GET3: variants seen among roughly 807,000 people sequenced by gnomAD.
GET3 encodes guided entry of tail-anchored proteins factor 3, ATPase, also known as ATPase GET3.
Under a neutral mutation model 32.4 loss-of-function variants are expected in GET3, and 15 were observed. The ratio of observed to expected loss-of-function variants is 0.46; its 90% CI spans 0.31 to 0.71. The LOEUF (loss-of-function observed/expected upper bound fraction) is 0.71, where lower values mean the gene tolerates loss of function less well. Ranked by LOEUF, GET3 falls within the 30% of genes least tolerant of loss-of-function variation. The pLI, the probability that GET3 is intolerant of heterozygous loss-of-function variation, is 0.05. For missense variants in GET3, 333 were observed against 459.0 expected, an observed-to-expected ratio of 0.73 and a Z score of 2.51; for synonymous variants, 198 against 185.6, an observed-to-expected ratio of 1.07 and a Z score of -0.54.
upstream of GET3, chr19:12,737,462 C>T (rs750895638): frequency 7.0e-7 from 1 of 1,437,642 alleles, no homozygotes; most frequent in African/African-American, 1.5e-5. Context: ...CCTGTAGGTT[C>T]TTCGTATGGT....
chr19:12,743,415 G>T (rs942490856), intron 2 of GET3, among the ~76,000 whole-genome samples: 29 of 151,900 alleles, frequency 1.9e-4, no homozygotes, highest in Admixed American at 1.1e-3. Flanking sequence ...GGCGGAGGTT[G>T]CAGTGAGCCA....
At position 12,747,450 on chromosome 19, in the gene GET3, C is replaced by CA. The variant is rs868236488; in HGVS notation, c.774dup (p.Glu259ArgfsTer13). On this transcript the variant is annotated frameshift_variant, in exon 6 of 7. Coordinates refer to ENST00000357332, the MANE Select transcript of GET3 (RefSeq NM_004317.4). LOFTEE classifies it high-confidence loss of function. The surrounding 1 kb of genome is among the most constrained non-coding windows in gnomAD (Gnocchi z 4.0). ...GCTGAGTTCCTGTCCCTGTATGAGA[C>CA]AGAGAGGCTGATCCAGGAGCTGGCC... 1 of 1,613,924 alleles carries CA rather than the reference C, an allele frequency of 6.2e-7. No individual in the cohort carries two copies. Among genetic ancestry groups the CA allele is most frequent in the African/African-American group, 1.3e-5 (1 of 74,854 alleles).
intron 4 of GET3, among the ~76,000 whole-genome samples, chr19:12,746,644 G>A (rs886333716): frequency 6.6e-6 from 1 of 152,184 alleles, no homozygotes; most frequent in African/African-American, 2.4e-5. Context: ...ACAGATCTGG[G>A]AGGTAAAGTT....
chr19:12,737,570 A>G lies in GET3; in HGVS notation c.65A>G (p.Glu22Gly). ...GAGTTCGAAGATGCTCCTGATGTGG[A>G]GCCGCTGGAGCCTACACTTAGCAAC... ...AEEFEDAPDV[E>G]PLEPTLSNII... The change falls in exon 1 of 7, where the codon GAG (glutamate) becomes GGG (glycine). Residue 22 changes from glutamate to glycine, a missense_variant. Glu to Gly is a moderately conservative substitution (Grantham distance 98, BLOSUM62 -2). This residue lies in a region of GET3 where 64 missense variants were observed against 36.7 expected (regional missense o/e 1.74). Transcript: ENST00000357332. The G allele has an allele frequency of 6.2e-7, 1 of 1,610,386 alleles. No homozygotes were observed. Among genetic ancestry groups the G allele is most frequent in the Non-Finnish European group, 8.5e-7 (1 of 1,178,730 alleles).
At chr19:12,739,123 G>A (rs188411148) in intron 2 of GET3, among the ~76,000 whole-genome samples, 4 of 152,184 alleles carry the variant, frequency 2.6e-5, no homozygotes, top group Non-Finnish European at 5.9e-5. Flanking sequence ...CAACATCCTG[G>A]ACTCTGGTGG....
At chr19:12,742,818 A>G (rs1259909371) in intron 2 of GET3, among the ~76,000 whole-genome samples, 1 of 152,054 alleles carries the variant, frequency 6.6e-6, no homozygotes, top group Non-Finnish European at 1.5e-5. Flanking sequence ...ATACACTGGG[A>G]TTACAAGTGT....
upstream of GET3, chr19:12,737,381 T>C: frequency 8.2e-7 from 1 of 1,221,322 alleles, no homozygotes; most frequent in Non-Finnish European, 1.1e-6. Flanking sequence ...TTTATATTTC[T>C]CCTAAAAGGC....
chr19:12,742,614 C>T (rs1370576536), intron 2 of GET3, among the ~76,000 whole-genome samples: 1 of 151,910 alleles, frequency 6.6e-6, no homozygotes, highest in Non-Finnish European at 1.5e-5. Context: ...CGGGGTTTCA[C>T]CATGTTAACC....
At chr19:12,744,187 G>C (rs1430705519) in intron 2 of GET3, among the ~76,000 whole-genome samples, 2 of 145,278 alleles carry the variant, frequency 1.4e-5, no homozygotes, top group East Asian at 4.1e-4. Flanking sequence ...CTGCACTCCA[G>C]CCTAGGCAAC....
intron 2 of GET3, among the ~76,000 whole-genome samples, chr19:12,741,273 G>T (rs1292629489): frequency 6.6e-6 from 1 of 151,318 alleles, no homozygotes; most frequent in Non-Finnish European, 1.5e-5. Flanking sequence ...TGGCTAACAG[G>T]GTGAAACCCC....
intron 1 of GET3, 67 bp from the exon 2 acceptor site, chr19:12,738,444 C>T: frequency 6.3e-7 from 1 of 1,592,728 alleles, no homozygotes; most frequent in South Asian, 1.1e-5. Flanking sequence ...CCTACCACTC[C>T]CCTTGCAGAC....
At position 12,739,338 on chromosome 19, in the gene GET3, TG is replaced by T. The variant is rs574866770; in HGVS notation, c.309+681del. 8.9e-3 allele frequency among the ~76,000 whole-genome samples: 1,360 copies of T among 152,228 alleles called. 8 individuals carry two copies. The highest frequency in any genetic ancestry group is 0.016 in the Non-Finnish European group (1,077 of 67,992). On this transcript the variant is annotated intron_variant, in intron 2 of 6. Transcript: ENST00000357332. ...TTGCGCCACCACTGCCTGTTAATTT[TG>T]TTTTTTTTAGGAGACAGGTTTTCAC...
In GET3 at chr19:12,737,628, C is replaced by T. The variant is rs1967597563; in HGVS notation, c.123C>T (p.Phe41=). 32 of 1,610,842 alleles carry T rather than the reference C, an allele frequency of 2.0e-5. No homozygotes were observed. Among genetic ancestry groups the T allele is most frequent in the Admixed American group, 5.0e-5 (3 of 59,508 alleles). ...IIEQRSLKWI[F]VGGKGGVGKT... ...AGCAGCGCAGCCTGAAGTGGATCTT[C>T]GTCGGGGGCAAGGGTGGTGTGGGCA... Residue 41 remains phenylalanine (F), a synonymous_variant, in exon 1 of 7, where the codon TTC becomes TTT. Transcript: ENST00000357332.
Position 12,747,279 on chromosome 19 carries a change from C to T in GET3, c.692C>T (p.Ser231Leu). ...GAGGAGACGCTGCCCGTCATCCGCT[C>T]AGTCAGCGAACAGTTCAAGGACCCT... ...KLEETLPVIR[S>L]VSEQFKDPEQ... Residue 231 changes from serine (S) to leucine (L), a missense_variant, in exon 5 of 7, where the codon TCA (serine) becomes TTA (leucine). By Grantham distance (145) the Ser-to-Leu change is moderately radical. Coordinates refer to ENST00000357332, the MANE Select transcript of GET3 (RefSeq NM_004317.4). The surrounding 1 kb of genome is among the most constrained non-coding windows in gnomAD (Gnocchi z 4.0). The T allele has an allele frequency of 6.2e-7, 1 of 1,611,802 alleles. No homozygotes were observed. The highest frequency in any genetic ancestry group is 8.5e-7 in the Non-Finnish European group (1 of 1,178,696).
rs1485624213 is a variant in GET3 at position 12,737,538 on chromosome 19, G to C, written c.33G>C (p.Glu11Asp). 3 of 1,595,214 alleles carry C rather than the reference G, an allele frequency of 1.9e-6. No individual in the cohort carries two copies. Among genetic ancestry groups the C allele is most frequent in the African/African-American group, 1.3e-5 (1 of 74,218 alleles). The part of the protein sequence containing the change: MAAGVAGWGV[E>D]AEEFEDAPDV... ...CAGGGGTGGCCGGGTGGGGGGTTGAGGCAGAGGAGTTCGAAGATGCTCCTG... is the reference window on the plus strand; with the variant it reads ...CAGGGGTGGCCGGGTGGGGGGTTGACGCAGAGGAGTTCGAAGATGCTCCTG... Residue 11 changes from glutamate to aspartate, a missense_variant, in exon 1 of 7, where the codon GAG (glutamate) becomes GAC (aspartate). Around this residue, in one of 3 missense-constraint regions of GET3, gnomAD observed 64 missense variants for 36.7 expected, o/e 1.74. Coordinates refer to ENST00000357332, the MANE Select transcript of GET3 (RefSeq NM_004317.4).
rs1369051054 is a variant in GET3 at position 12,745,878 on chromosome 19, C to G, written c.609+119C>G. The G allele has an allele frequency of 1.5e-6, 2 of 1,343,890 alleles. No individual in the cohort carries two copies. Among genetic ancestry groups the G allele is most frequent in the Admixed American group, 2.6e-5 (1 of 38,526 alleles). 83.2% of individuals were successfully genotyped at this position (1,343,890 alleles called of 1,614,324 possible). A position where few individuals can be genotyped will look rare whatever the true frequency, so the allele number is the denominator to read the frequency against. On this transcript the variant is annotated intron_variant, in intron 4 of 6. Coordinates refer to ENST00000357332, the MANE Select transcript of GET3 (RefSeq NM_004317.4). This position sits in a 1 kb window ranked among gnomAD's most constrained non-coding sequence, Gnocchi z 5.0. ...CCTTTCCTTCCCACCCCTTCTCACTCTGGACTTCTCCCTGGAGGGGATGGG... is the reference window on the plus strand; with the variant it reads ...CCTTTCCTTCCCACCCCTTCTCACTGTGGACTTCTCCCTGGAGGGGATGGG...
chr19:12,738,640 T>C lies in GET3; in HGVS notation c.291T>C (p.Tyr97=). 1 of 1,614,226 alleles carries C rather than the reference T, an allele frequency of 6.2e-7. No individual in the cohort carries two copies. Among genetic ancestry groups the C allele is most frequent in the Non-Finnish European group, 8.5e-7 (1 of 1,180,046 alleles). The change falls in exon 2 of 7, where the codon TAT becomes TAC. Residue 97 remains tyrosine, a synonymous_variant. Transcript: ENST00000357332. ...AGGTGCCTACCAAGGTCAAAGGCTATGACAACCTCTTTGCTATGGTGAGTG... is the reference window on the plus strand; with the variant it reads ...AGGTGCCTACCAAGGTCAAAGGCTACGACAACCTCTTTGCTATGGTGAGTG... ...FSKVPTKVKG[Y]DNLFAMEIDP... is the part of the protein sequence containing the mutation.
intron 2 of GET3, among the ~76,000 whole-genome samples, chr19:12,739,285 A>G (rs2145685260): frequency 6.6e-6 from 1 of 152,156 alleles, no homozygotes; most frequent in Admixed American, 6.5e-5. Flanking sequence ...CTCCTGCCTC[A>G]GCCTCCCGAG....
chr19:12,738,696 A>C (rs1568347660), intron 2 of GET3, 38 bp downstream of exon 2: 2 of 1,613,036 alleles, frequency 1.2e-6, no homozygotes, highest in Non-Finnish European at 1.7e-6. Flanking sequence ...TTCTGGGAAA[A>C]GCCTCTTCCA....
Sources: allele counts gnomAD v4.1 joint callset (sites outside exome capture counted in the v4.1 genomes callset), GRCh38; gene constraint gnomAD v4.1.1; regional missense constraint gnomAD v4.1.1; non-coding constraint Gnocchi (gnomAD v3.1); transcripts MANE v1.5; gene names NCBI Gene and HGNC (gene_info 2026-07-23, HGNC 2026-07-21).